SPAG6: variants seen among roughly 807,000 people sequenced by gnomAD.
The protein encoded by SPAG6 is sperm associated antigen 6.
In SPAG6, 49 loss-of-function variants were observed where a neutral mutation model predicts 58.5. That is an observed-to-expected ratio of 0.84 (90% CI 0.67 to 1.06). The LOEUF (loss-of-function observed/expected upper bound fraction) is 1.06. Ranked by LOEUF, SPAG6 falls within the 50% of genes least tolerant of loss-of-function variation. The pLI, the probability that SPAG6 is intolerant of heterozygous loss-of-function variation, is 0.00. For synonymous variants in SPAG6, 233 were observed against 225.6 expected (o/e 1.03, Z -0.29); for missense variants, 560 against 611.3 (o/e 0.92, Z 0.89).
At chr10:22,348,419 G>A (rs1022382290) in intron 2 of SPAG6, among the ~76,000 whole-genome samples, 27 of 152,136 alleles carry the variant, frequency 1.8e-4, no homozygotes, top group African/African-American at 5.8e-4. Context: ...TCAGTCAAAT[G>A]CCTTCATTTG....
At chr10:22,369,659 T>C (rs1234600638) in intron 4 of SPAG6, among the ~76,000 whole-genome samples, 3 of 152,174 alleles carry the variant, frequency 2.0e-5, no homozygotes, top group Non-Finnish European at 4.4e-5. Context: ...CTTCCTCATC[T>C]GTGGAAGAGG....
chr10:22,364,820 T>G, intron 2 of SPAG6, 33 bp from the exon 3 acceptor site: 2 of 1,550,670 alleles, frequency 1.3e-6, no homozygotes, highest in Non-Finnish European at 8.8e-7. Context: ...ATTTAAATTT[T>G]CCTGATTTCT....
chr10:22,373,158 T>A (rs1021002148), intron 4 of SPAG6, among the ~76,000 whole-genome samples: 1 of 152,110 alleles, frequency 6.6e-6, no homozygotes, highest in Non-Finnish European at 1.5e-5. Flanking sequence ...TCTGTGGCAG[T>A]TGGGAGATGA....
chr10:22,347,082 G>A (rs908991233), intron 2 of SPAG6, among the ~76,000 whole-genome samples: 4 of 151,954 alleles, frequency 2.6e-5, no homozygotes, highest in South Asian at 2.1e-4. Context: ...TATTCCGTGC[G>A]TATCCACCAC....
At chr10:22,411,285 G>C in intron 10 of SPAG6, 109 bp downstream of exon 10, 2 of 852,216 alleles carry the variant, frequency 2.3e-6, no homozygotes, top group Non-Finnish European at 1.8e-6. Flanking sequence ...AATACGATGT[G>C]AGGCCAATAT....
At chr10:22,387,043 C>A in intron 5 of SPAG6, 84 bp downstream of exon 5, 1 of 1,042,248 alleles carries the variant, frequency 9.6e-7, no homozygotes, top group South Asian at 1.4e-5. Context: ...TATTTTGCAT[C>A]TAAAAATAAT....
intron 5 of SPAG6, 76 bp from the exon 6 acceptor site, chr10:22,387,747 T>C: frequency 1.4e-6 from 2 of 1,389,194 alleles, no homozygotes; most frequent in Non-Finnish European, 1.9e-6. Flanking sequence ...TATATAAAAC[T>C]GTTTACATTA....
Position 22,387,494 on chromosome 10 carries a change from A to G in SPAG6, c.679-329A>G, listed in dbSNP as rs532231952. On this transcript the variant is annotated intron_variant, in intron 5 of 10. Coordinates refer to ENST00000376624, the MANE Select transcript of SPAG6 (RefSeq NM_012443.4). ...GTTCTGCTTGATGATTTTTGTACTA[A>G]ATGATCACCTGTCTCATAAATTAGC... 1.2e-4 allele frequency among the ~76,000 whole-genome samples: 19 copies of G among 152,272 alleles called. No homozygotes were observed. In the East Asian group the frequency reaches 1.5e-3, roughly 12 times the overall value.
rs145715852 is a variant in SPAG6 at position 22,371,562 on chromosome 10, G to A, written c.472+2884G>A. Among the ~76,000 whole-genome samples the A allele has an allele frequency of 4.8e-3, 728 of 152,084 alleles. 9 individuals are homozygous for A. The highest frequency in any genetic ancestry group is 0.017 in the African/African-American group (690 of 41,482). ...TACTGCGTCCGGCTTTTGTTTGTTT[G>A]TTTTGTTTGTTTTTTGAAAATAACC... On this transcript the variant is annotated intron_variant, in intron 4 of 10. Transcript: ENST00000376624.
chr10:22,358,019 A>G (rs990986609), intron 2 of SPAG6, among the ~76,000 whole-genome samples: 1 of 152,042 alleles, frequency 6.6e-6, no homozygotes, highest in African/African-American at 2.4e-5. Context: ...AGTCTTTGCT[A>G]TGGTGAATAG....
chr10:22,348,458 C>T (rs955244255), intron 2 of SPAG6, among the ~76,000 whole-genome samples: 1 of 152,160 alleles, frequency 6.6e-6, no homozygotes, highest in Non-Finnish European at 1.5e-5. Flanking sequence ...GCATATTACT[C>T]CTGACTTTGA....
chr10:22,395,177 T>C (rs552061482), intron 8 of SPAG6, among the ~76,000 whole-genome samples: 5 of 152,378 alleles, frequency 3.3e-5, no homozygotes, highest in South Asian at 2.1e-4. Context: ...ATTTCTACTC[T>C]TGACTATTAT....
intron 2 of SPAG6, among the ~76,000 whole-genome samples, chr10:22,358,195 CCA>C (rs1260799793): frequency 1.3e-5 from 2 of 152,200 alleles, no homozygotes; most frequent in East Asian, 3.9e-4. Context: ...GTTTACAGTC[CCA>C]CCAACAGTGT....
chr10:22,369,419 T>C (rs1393930541), intron 4 of SPAG6, among the ~76,000 whole-genome samples: 5 of 152,320 alleles, frequency 3.3e-5, no homozygotes, highest in Middle Eastern at 3.4e-3. Flanking sequence ...AATAAACATA[T>C]GTAAAAATGA....
At chr10:22,372,233 A>G (rs576784124) in intron 4 of SPAG6, among the ~76,000 whole-genome samples, 2 of 152,238 alleles carry the variant, frequency 1.3e-5, no homozygotes, top group African/African-American at 4.8e-5. Flanking sequence ...TGCCCGCTTT[A>G]TAAATTAAAC....
intron 8 of SPAG6, among the ~76,000 whole-genome samples, chr10:22,397,462 A>G (rs912347134): frequency 3.9e-5 from 6 of 152,094 alleles, no homozygotes; most frequent in African/African-American, 1.4e-4. Flanking sequence ...ACAGGCATGT[A>G]CCACCATGCC....
At chr10:22,415,137 A>G (rs958260619) in intron 10 of SPAG6, among the ~76,000 whole-genome samples, 1 of 152,106 alleles carries the variant, frequency 6.6e-6, no homozygotes, top group African/African-American at 2.4e-5. Flanking sequence ...GGTGGCTCCC[A>G]TATTTAACAT....
At chr10:22,414,893 A>C (rs1275982072) in intron 10 of SPAG6, among the ~76,000 whole-genome samples, 1 of 152,124 alleles carries the variant, frequency 6.6e-6, no homozygotes. Flanking sequence ...CAGCCTCCTG[A>C]GTAGCTGGGA....
At chr10:22,347,270 G>A (rs182465226) in intron 2 of SPAG6, among the ~76,000 whole-genome samples, 1 of 151,988 alleles carries the variant, frequency 6.6e-6, no homozygotes, top group Admixed American at 6.6e-5. Context: ...GTTTTATATG[G>A]GTTGATTTTC....
Sources: gnomAD v4.1 joint callset for allele counts (sites outside exome capture counted in the v4.1 genomes callset) on GRCh38, gnomAD v4.1.1 for gene constraint, MANE v1.5 for transcripts, NCBI Gene and HGNC (gene_info 2026-07-23, HGNC 2026-07-21) for gene names.